Variants in LACTB2 observed in about 807,000 individuals in gnomAD.
LACTB2 encodes the protein endoribonuclease LACTB2.
Under a neutral mutation model 34.8 loss-of-function variants are expected in LACTB2, and 32 were observed. The observed-to-expected ratio is 0.92, with a 90% CI of 0.69 to 1.24. The LOEUF (loss-of-function observed/expected upper bound fraction) is 1.24, where lower values mean the gene tolerates loss of function less well. LACTB2 is among the 50% of genes most tolerant of loss of function. The pLI, the probability that LACTB2 is intolerant of heterozygous loss-of-function variation, is 0.00. For synonymous variants in LACTB2, 120 were observed against 117.5 expected (o/e 1.02, Z -0.14); for missense variants, 320 against 345.0 (o/e 0.93, Z 0.57).
At position 70,661,958 on chromosome 8, in the gene LACTB2, T is replaced by G. The variant is rs1157738175; in HGVS notation, c.123-61A>C. 11 of 1,384,076 alleles carry G rather than the reference T, an allele frequency of 7.9e-6. No homozygotes were observed. In the South Asian group the frequency reaches 1.3e-4, roughly 17 times the overall value. 85.7% of individuals were successfully genotyped at this position (1,384,076 alleles called of 1,614,324 possible). ...ACACTGCGTTGACATTAGCATTATT[T>G]TGCACACAGATAATTTACATTAAAG... is the stretch of plus-strand genomic sequence containing the variant. On this transcript the variant is annotated intron_variant, in intron 1 of 6. Transcript: ENST00000276590.
rs1351789388 is a variant in LACTB2 at position 70,637,840 on chromosome 8, A to C, written c.*20T>G. ...CATTCTCTGAAAGCAAAATAAAACA[A>C]AGCTTTCTTTAATCTGAAACTAAAG... On this transcript the variant is annotated 3_prime_UTR_variant, in exon 7 of 7. Coordinates refer to ENST00000276590, the MANE Select transcript of LACTB2 (RefSeq NM_016027.3). The C allele has an allele frequency of 6.6e-7, 1 of 1,506,878 alleles. No individual in the cohort carries two copies. Among genetic ancestry groups the C allele is most frequent in the Admixed American group, 2.0e-5 (1 of 50,806 alleles). 93.3% of individuals were successfully genotyped at this position (1,506,878 alleles called of 1,614,324 possible). A position where few individuals can be genotyped will look rare whatever the true frequency, so the allele number is the denominator to read the frequency against.
intron 3 of LACTB2, among the ~76,000 whole-genome samples, chr8:70,655,573 C>T (rs149913119): frequency 0.01 from 1,526 of 152,206 alleles, 22 homozygotes; most frequent in African/African-American, 0.035. Flanking sequence ...TATATATATA[C>T]CACAGTTTCT....
intron 3 of LACTB2, among the ~76,000 whole-genome samples, chr8:70,650,735 CAAAAAAAAAAAAAAAAAA>C (rs61025700): frequency 2.2e-5 from 1 of 46,208 alleles, no homozygotes; most frequent in Non-Finnish European, 3.7e-5. Context: ...GACTCCATCT[CAAAAAAAAAAAAAAAAAA>C]AAAAAGAAAA....
rs767769007 is a variant in LACTB2 at position 70,669,135 on chromosome 8, C to T, written c.-15G>A. The T allele has an allele frequency of 6.2e-6, 10 of 1,611,296 alleles. No individual in the cohort carries two copies. The highest frequency in any genetic ancestry group is 1.3e-5 in the African/African-American group (1 of 74,898). ...ACAGCAGCCATTCCCGCCTCAGCCG[C>T]CCGCCGGCGTGTCGCCTATCTGGAT... On this transcript the variant is annotated 5_prime_UTR_variant, in exon 1 of 7. Coordinates refer to ENST00000276590, the MANE Select transcript of LACTB2 (RefSeq NM_016027.3).
rs377677929 is a variant in LACTB2 at position 70,641,088 on chromosome 8, T to A, written c.593-38A>T. 1.4e-4 allele frequency: 214 copies of A among 1,525,906 alleles called. 1 individual carries two copies. The African/African-American group carries it at 2.6e-3, about 19-fold the overall frequency. 94.5% of individuals were successfully genotyped at this position (1,525,906 alleles called of 1,614,324 possible). A position where few individuals can be genotyped will look rare whatever the true frequency, so the allele number is the denominator to read the frequency against. On this transcript the variant is annotated intron_variant, in intron 4 of 6. Transcript: ENST00000276590. ...AATTATAAGAGTTACTTCAGTCAGA[T>A]AAAAAAATACTAAGTACAACAGAAG...
chr8:70,666,062 A>G (rs554544225), intron 1 of LACTB2, among the ~76,000 whole-genome samples: 2 of 152,348 alleles, frequency 1.3e-5, no homozygotes, highest in East Asian at 3.9e-4. Context: ...CTAAAACTGT[A>G]GTTATCCAGC....
At chr8:70,645,351 T>G (rs1818250189) in intron 3 of LACTB2, among the ~76,000 whole-genome samples, 2 of 152,186 alleles carry the variant, frequency 1.3e-5, no homozygotes, top group South Asian at 4.1e-4. Context: ...TATATACTTT[T>G]CAAAGACAAG....
intron 3 of LACTB2, chr8:70,652,809 A>G (rs761763637): frequency 8.5e-5 from 13 of 152,192 alleles, no homozygotes; most frequent in Non-Finnish European, 1.8e-4. Context: ...TAAAAAAATG[A>G]CCTGTTCCAC....
At chr8:70,657,689 T>G in intron 3 of LACTB2, 67 bp downstream of exon 3, 1 of 1,417,496 alleles carries the variant, frequency 7.1e-7, no homozygotes, top group Non-Finnish European at 9.4e-7. Flanking sequence ...CTGGGATCCT[T>G]CCATCCTTTT....
At position 70,637,729 on chromosome 8, in the gene LACTB2, ATTATT is replaced by A. The variant is rs1379898505; in HGVS notation, c.*126_*130del. ...TTACATATTTTAGCATAAATATAAC[ATTATT>A]TTAAAGTATATCTAGGGTTATTTTT... On this transcript the variant is annotated 3_prime_UTR_variant, in exon 7 of 7. Coordinates refer to ENST00000276590, the MANE Select transcript of LACTB2 (RefSeq NM_016027.3). 4.3e-6 allele frequency: 2 copies of A among 469,466 alleles called. No individual in the cohort carries two copies. The highest frequency in any genetic ancestry group is 3.4e-5 in the East Asian group (1 of 29,106). 29.1% of individuals were successfully genotyped at this position (469,466 alleles called of 1,614,324 possible). A position where few individuals can be genotyped will look rare whatever the true frequency, so the allele number is the denominator to read the frequency against.
At chr8:70,668,894 G>C (rs535374432) in intron 1 of LACTB2, 105 bp downstream of exon 1, 1 of 1,477,560 alleles carries the variant, frequency 6.8e-7, no homozygotes, top group South Asian at 1.3e-5. Flanking sequence ...TGCCCAGCTA[G>C]GGACAGGACG....
intron 4 of LACTB2, among the ~76,000 whole-genome samples, chr8:70,641,417 T>G (rs1818197790): frequency 6.6e-6 from 1 of 152,224 alleles, no homozygotes; most frequent in African/African-American, 2.4e-5. Context: ...ACATACATTA[T>G]TCTTACAAGA....
At chr8:70,668,971 G>T (rs556999197) in intron 1 of LACTB2, 28 bp downstream of exon 1, 2 of 1,564,032 alleles carry the variant, frequency 1.3e-6, no homozygotes, top group Non-Finnish European at 1.7e-6. Flanking sequence ...GGCTGCGAAC[G>T]TTGGGGAGGT....
intron 3 of LACTB2, 67 bp from the exon 4 acceptor site, chr8:70,644,310 G>T: frequency 9.0e-7 from 1 of 1,114,524 alleles, no homozygotes; most frequent in Non-Finnish European, 1.2e-6. Flanking sequence ...ATTTTGAGAA[G>T]TAAATTATTC....
intron 3 of LACTB2, among the ~76,000 whole-genome samples, chr8:70,653,414 TA>T (rs1487451631): frequency 6.6e-6 from 1 of 152,110 alleles, no homozygotes; most frequent in African/African-American, 2.4e-5. Context: ...ACAAAAGCAT[TA>T]TAAGGAAACT....
chr8:70,651,734 GAATCAGTAATCTCAA>G, intron 3 of LACTB2: 1 of 152,218 alleles, frequency 6.6e-6, no homozygotes, highest in African/African-American at 2.4e-5. Context: ...TTAAATTGGG[GAATCAGTAATCTCAA>G]TTCTCCAGTC....
intron 3 of LACTB2, among the ~76,000 whole-genome samples, chr8:70,652,325 T>G (rs1420639846): frequency 1.3e-5 from 2 of 152,224 alleles, no homozygotes; most frequent in Non-Finnish European, 2.9e-5. Context: ...GCTTAAAATA[T>G]TACATGTTAA....
chr8:70,645,241 G>A (rs1355372986), intron 3 of LACTB2, among the ~76,000 whole-genome samples: 2 of 152,030 alleles, frequency 1.3e-5, no homozygotes, highest in South Asian at 2.1e-4. Flanking sequence ...TCAGCCTCCC[G>A]ACTAGTTGGG....
chr8:70,640,012 G>A (rs983225651), intron 5 of LACTB2, among the ~76,000 whole-genome samples: 9 of 152,174 alleles, frequency 5.9e-5, no homozygotes, highest in Non-Finnish European at 8.8e-5. Flanking sequence ...CTAGGCTGGT[G>A]TGCAACGGTG....
Sources: gnomAD v4.1 joint callset for allele counts (sites outside exome capture counted in the v4.1 genomes callset) on GRCh38, gnomAD v4.1.1 for gene constraint, MANE v1.5 for transcripts, NCBI Gene and HGNC (gene_info 2026-07-23, HGNC 2026-07-21) for gene names.